The following COL3A1 variants were observed in gnomAD, a reference collection of about 807,000 sequenced individuals.
COL3A1 encodes the protein collagen alpha-1(III) chain.
Under a neutral mutation model 200.9 loss-of-function variants are expected in COL3A1, and 46 were observed. The ratio of observed to expected loss-of-function variants is 0.23; its 90% confidence interval spans 0.18 to 0.29. The LOEUF (loss-of-function observed/expected upper bound fraction) is 0.29. Among genes scored for constraint, COL3A1 ranks in the 10% least tolerant of loss-of-function variants. The probability of loss-of-function intolerance (pLI) is 1.00; values close to 1 mark genes in which losing one functional copy is unlikely to be tolerated. For synonymous variants in COL3A1, 650 were observed against 628.0 expected, an observed-to-expected ratio of 1.03 and a Z score of -0.52; for missense variants, 1,367 against 1,917.6, an observed-to-expected ratio of 0.71 and a Z score of 5.36.
intron 48 of COL3A1, among the ~76,000 whole-genome samples, chr2:189,009,775 A>G (rs965582304): frequency 2.0e-5 from 3 of 152,214 alleles, no homozygotes; most frequent in Non-Finnish European, 2.9e-5. Flanking sequence ...GAAATTACTT[A>G]AAATAGGAGA....
intron 11 of COL3A1, 57 bp downstream of exon 11, chr2:188,991,114 C>T (rs947999850): frequency 7.8e-6 from 12 of 1,535,806 alleles, no homozygotes; most frequent in South Asian, 1.1e-5. Context: ...ATTAAAGCTA[C>T]ATATAAGATT....
In COL3A1 at chr2:188,984,693, C is replaced by T. The variant is rs545963296; in HGVS notation, c.80-67C>T. On this transcript the variant is annotated intron_variant, in intron 1 of 50. Transcript: ENST00000304636. ...CTTTGGCTATTGTTAATAGTCCTAACAGAGTAACAAAAATCACCTTTCAGC... is the reference window on the plus strand; with the variant it reads ...CTTTGGCTATTGTTAATAGTCCTAATAGAGTAACAAAAATCACCTTTCAGC... 1.9e-4 allele frequency: 262 copies of T among 1,409,894 alleles called. 1 individual carries two copies. In the South Asian group the frequency reaches 2.9e-3, roughly 15 times the overall value. 87.3% of individuals were successfully genotyped at this position (1,409,894 alleles called of 1,614,324 possible).
intron 34 of COL3A1, among the ~76,000 whole-genome samples, chr2:189,002,030 TATATATATAA>T (rs1688477430): frequency 6.6e-6 from 1 of 152,176 alleles, no homozygotes; most frequent in Non-Finnish European, 1.5e-5. Flanking sequence ...CATAAATATC[TATATATATAA>T]ATGTGTTAAA....
chr2:189,010,982 T>C, intron 50 of COL3A1, 92 bp downstream of exon 50: 1 of 1,485,296 alleles, frequency 6.7e-7, no homozygotes, highest in Non-Finnish European at 9.3e-7. Context: ...ATAAAATTAA[T>C]AGGATGAAAT....
chr2:188,996,262 GTGTGTGTGTA>G, intron 23 of COL3A1, 84 bp downstream of exon 23: 1 of 993,540 alleles, frequency 1.0e-6, no homozygotes, highest in South Asian at 1.4e-5. Flanking sequence ...GTGTGTGTGT[GTGTGTGTGTA>G]TATATATATA....
At chr2:188,998,145 T>C in intron 27 of COL3A1, 121 bp from the exon 28 acceptor site, 2 of 854,738 alleles carry the variant, frequency 2.3e-6, no homozygotes, top group Non-Finnish European at 3.8e-6. Context: ...ACAACGTTTC[T>C]ACCCCTACAA....
intron 38 of COL3A1, 38 bp from the exon 39 acceptor site, chr2:189,003,944 T>G: frequency 6.4e-7 from 1 of 1,571,680 alleles, no homozygotes; most frequent in Non-Finnish European, 8.6e-7. Context: ...AATGCACTTT[T>G]TATTATAAAT....
At chr2:188,998,195 T>C in intron 27 of COL3A1, 71 bp from the exon 28 acceptor site, 1 of 1,372,072 alleles carries the variant, frequency 7.3e-7, no homozygotes, top group South Asian at 1.2e-5. Context: ...CAGAAACATG[T>C]GTACATATGA....
At chr2:188,981,402 A>T (rs1261559619) in intron 1 of COL3A1, among the ~76,000 whole-genome samples, 1 of 151,514 alleles carries the variant, frequency 6.6e-6, no homozygotes, top group African/African-American at 2.4e-5. Flanking sequence ...TAAGGAACAG[A>T]AACACCAAAT....
rs909485006 is a variant in COL3A1, at chr2:189,012,298, T to G, written c.*524T>G. 6.5e-6 allele frequency: 1 copy of G among 152,820 alleles called. No homozygotes were observed. 9.5% of individuals were successfully genotyped at this position (152,820 alleles called of 1,614,324 possible). A position where few individuals can be genotyped will look rare whatever the true frequency, so the allele number is the denominator to read the frequency against. The stretch of plus-strand genomic sequence containing the variant: ...TGATTAATCTCCTGGAAGATTGGTT[T>G]AAAAAGAAAAGTGTAATGCAAGAAT... On this transcript the variant is annotated 3_prime_UTR_variant, in exon 51 of 51. Coordinates refer to ENST00000304636, the MANE Select transcript of COL3A1 (RefSeq NM_000090.4).
In COL3A1 at chr2:188,999,865, T is replaced by C; in HGVS notation, c.2253T>C (p.Ala751=). The stretch of plus-strand genomic sequence containing the variant: ...AGGGTGAACCAGGCGGTCCAGGTGC[T>C]GATGGTGTCCCAGGGAAAGATGGCC... ...GDKGEPGGPG[A]DGVPGKDGPR... is the part of the protein sequence containing the mutation. The change falls in exon 32 of 51, where the codon GCT becomes GCC. Residue 751 remains alanine, a synonymous_variant. Transcript: ENST00000304636. 1 of 1,595,348 alleles carries C rather than the reference T, an allele frequency of 6.3e-7. No individual in the cohort carries two copies. Among genetic ancestry groups the C allele is most frequent in the East Asian group, 2.3e-5 (1 of 44,350 alleles).
In COL3A1 at chr2:188,994,731, C is replaced by A. The variant is rs1350629415; in HGVS notation, c.1355C>A (p.Ala452Asp). ...EPGPRGERGE[A>D]GIPGVPGAKG... Reference sequence around the variant, plus strand: ...ATCTTTTTTTTTTTTCAGGGTGAGGCTGGTATTCCAGGTGTTCCAGGAGCT... The same window carrying A: ...ATCTTTTTTTTTTTTCAGGGTGAGGATGGTATTCCAGGTGTTCCAGGAGCT... Residue 452 changes from alanine (A) to aspartate (D), a missense_variant, in exon 20 of 51, where the codon GCT (alanine) becomes GAT (aspartate). By Grantham distance (126) the Ala-to-Asp change is moderately radical (BLOSUM62 -2). Coordinates refer to ENST00000304636, the MANE Select transcript of COL3A1 (RefSeq NM_000090.4). This position sits in a 1 kb window ranked among gnomAD's most constrained non-coding sequence, Gnocchi z 4.5. 1.2e-6 allele frequency: 2 copies of A among 1,612,488 alleles called. No individual in the cohort carries two copies. The highest frequency in any genetic ancestry group is 1.7e-6 in the Non-Finnish European group (2 of 1,179,714).
chr2:188,996,940 G>A (rs1688336986), intron 24 of COL3A1, among the ~76,000 whole-genome samples: 1 of 152,038 alleles, frequency 6.6e-6, no homozygotes, highest in Non-Finnish European at 1.5e-5. Context: ...AGTGAGCCAA[G>A]ATTGCGCCAC....
At position 189,010,827 on chromosome 2, in the gene COL3A1, A is replaced by C; in HGVS notation, c.4191A>C (p.Glu1397Asp). 1.2e-6 allele frequency: 2 copies of C among 1,614,192 alleles called. No individual in the cohort carries two copies. Among genetic ancestry groups the C allele is most frequent in the South Asian group, 2.2e-5 (2 of 91,086 alleles). The change falls in exon 50 of 51, where the codon GAA becomes GAC. Residue 1397 changes from glutamate to aspartate, a missense_variant. Physicochemically the swap from Glu to Asp is conservative, Grantham distance 45. This residue lies in a region of COL3A1 where 846 missense variants were observed against 1,147.9 expected (regional missense o/e 0.74). Coordinates refer to ENST00000304636, the MANE Select transcript of COL3A1 (RefSeq NM_000090.4). ...CCCTGAAGCTGATGGGGTCAAATGAAGGTGAATTCAAGGCTGAAGGAAATA... is the reference window on the plus strand; with the variant it reads ...CCCTGAAGCTGATGGGGTCAAATGACGGTGAATTCAAGGCTGAAGGAAATA... ...KKALKLMGSN[E>D]GEFKAEGNSK...
At position 189,007,597 on chromosome 2, in the gene COL3A1, C is replaced by T. The variant is rs745746358; in HGVS notation, c.3353C>T (p.Pro1118Leu). ...HRGFPGNPGAPGSPGPAGQQG... is the reference protein window; with the variant it reads ...HRGFPGNPGALGSPGPAGQQG... ...GGATTCCCTGGTAATCCAGGTGCCC[C>T]AGGTTCTCCAGTAAGTGCATTCATT... The change falls in exon 45 of 51, where the codon CCA becomes CTA. Residue 1118 changes from proline (P) to leucine (L), a missense_variant. Physicochemically the swap from Pro to Leu is moderately conservative, Grantham distance 98 (BLOSUM62 -3). Coordinates refer to ENST00000304636, the MANE Select transcript of COL3A1 (RefSeq NM_000090.4). 3 of 1,611,430 alleles carry T rather than the reference C, an allele frequency of 1.9e-6. No individual in the cohort carries two copies. The highest frequency in any genetic ancestry group is 3.3e-4 in the Middle Eastern group (2 of 6,076).
chr2:188,985,924 T>C lies in COL3A1; in HGVS notation c.447+146T>C, dbSNP rs891127175. ...ATTTAATAAATCCTTATTTAGTGCTTCTATGTATTAGGCACTATTCTAAGT... is the reference window on the plus strand; with the variant it reads ...ATTTAATAAATCCTTATTTAGTGCTCCTATGTATTAGGCACTATTCTAAGT... On this transcript the variant is annotated intron_variant, in intron 4 of 50. Transcript: ENST00000304636. The C allele has an allele frequency of 1.2e-5, 8 of 677,670 alleles. No individual in the cohort carries two copies. In the East Asian group the frequency reaches 1.9e-4, roughly 16 times the overall value. 42.0% of individuals were successfully genotyped at this position (677,670 alleles called of 1,614,324 possible).
rs1233539649 is a variant in COL3A1 at position 188,998,206 on chromosome 2, GA to G, written c.1924-58del. ...CTTGCAGAAACATGTGTACATATGA[GA>G]AGCTTTTCTATAAGCCATGTTTGAG... On this transcript the variant is annotated intron_variant, in intron 27 of 50. Transcript: ENST00000304636. 5 of 1,477,648 alleles carry G rather than the reference GA, an allele frequency of 3.4e-6. No homozygotes were observed. The African/African-American group carries it at 6.9e-5, about 20-fold the overall frequency. The allele number at this position is 1,477,648 out of a possible 1,614,324, so 91.5% of individuals were successfully genotyped here. A position where few individuals can be genotyped will look rare whatever the true frequency, so the allele number is the denominator to read the frequency against.
chr2:188,988,276 C>A, intron 6 of COL3A1, 142 bp downstream of exon 6: 1 of 780,726 alleles, frequency 1.3e-6, no homozygotes, highest in Non-Finnish European at 2.2e-6. Flanking sequence ...ATTAAGGCTT[C>A]AAAGATGGAA....
intron 44 of COL3A1, 94 bp downstream of exon 44, chr2:189,007,084 GA>G: frequency 2.2e-6 from 1 of 446,890 alleles, no homozygotes; most frequent in Non-Finnish European, 3.7e-6. Flanking sequence ...GCGTGTTCAG[GA>G]AAAAAGAATG....
Sources: gnomAD v4.1 joint callset for allele counts (sites outside exome capture counted in the v4.1 genomes callset) on GRCh38, gnomAD v4.1.1 for gene constraint, gnomAD v4.1.1 regional missense constraint, Gnocchi (gnomAD v3.1) non-coding constraint, MANE v1.5 for transcripts, NCBI Gene and HGNC (gene_info 2026-07-23, HGNC 2026-07-21) for gene names.